ATP8A1: variants seen among roughly 807,000 people sequenced by gnomAD.
ATP8A1 encodes phospholipid-transporting ATPase IA.
In ATP8A1, 90 loss-of-function variants were observed where a neutral mutation model predicts 177.7. The ratio of observed to expected loss-of-function variants is 0.51; its 90% CI spans 0.43 to 0.60. The LOEUF is 0.60. ATP8A1 is among the 20% of genes least tolerant of loss of function. The pLI, the probability that ATP8A1 is intolerant of heterozygous loss-of-function variation, is 0.00. For missense variants in ATP8A1, 1,072 were observed against 1,392.8 expected, an observed-to-expected ratio of 0.77 and a Z score of 3.67; for synonymous variants, 493 against 485.9, an observed-to-expected ratio of 1.01 and a Z score of -0.19.
intron 25 of ATP8A1, among the ~76,000 whole-genome samples, chr4:42,466,600 TACTC>T (rs1367118593): frequency 6.6e-6 from 1 of 152,380 alleles, no homozygotes; most frequent in Admixed American, 6.5e-5. Flanking sequence ...CCAAAATAGA[TACTC>T]AATACATGGT....
At chr4:42,472,407 T>TA (rs35603880) in intron 25 of ATP8A1, 115,884 of 252,786 alleles carry the variant, frequency 0.46, 21,711 homozygotes, top group East Asian at 0.65. Context: ...AATTCACAGT[T>TA]AAAAAAAAAA....
At chr4:42,583,157 T>C (rs1733269444) in intron 9 of ATP8A1, among the ~76,000 whole-genome samples, 1 of 112,222 alleles carries the variant, frequency 8.9e-6, no homozygotes, top group South Asian at 3.8e-4. Context: ...GCTTGGGCCT[T>C]GGACATTCAG....
intron 27 of ATP8A1, among the ~76,000 whole-genome samples, chr4:42,460,305 T>G (rs1188540172): frequency 2.6e-5 from 4 of 151,700 alleles, no homozygotes; most frequent in Admixed American, 2.0e-4. Context: ...AGTGTCAACG[T>G]ACTGACTTTG....
intron 22 of ATP8A1, among the ~76,000 whole-genome samples, chr4:42,519,227 C>T (rs1289250425): frequency 6.6e-6 from 1 of 152,056 alleles, no homozygotes; most frequent in African/African-American, 2.4e-5. Flanking sequence ...GTAGCTGGGA[C>T]CACAGGTGCA....
rs1712565912 is a variant in ATP8A1 at position 42,411,226 on chromosome 4, G to C, written c.*1690C>G. 6.6e-6 allele frequency: 1 copy of C among 152,050 alleles called. No individual in the cohort carries two copies. The highest frequency in any genetic ancestry group is 1.9e-4 in the East Asian group (1 of 5,202). 9.4% of individuals were successfully genotyped at this position (152,050 alleles called of 1,614,324 possible). ...ACCTCTTATTTGTAGAAAATGGAGA[G>C]GCATACTGGTAACTAAGGAGCTACA... is the stretch of plus-strand genomic sequence containing the variant. On this transcript the variant is annotated 3_prime_UTR_variant, in exon 37 of 37. Coordinates refer to ENST00000381668, the MANE Select transcript of ATP8A1 (RefSeq NM_006095.2).
intron 5 of ATP8A1, among the ~76,000 whole-genome samples, chr4:42,612,497 C>A (rs2109438080): frequency 6.7e-6 from 1 of 149,778 alleles, no homozygotes; most frequent in Middle Eastern, 3.4e-3. Flanking sequence ...TGGAGTGGAC[C>A]ATAAAACTCA....
chr4:42,561,779 G>C (rs977930849), intron 15 of ATP8A1: 3 of 152,224 alleles, frequency 2.0e-5, no homozygotes, highest in African/African-American at 7.2e-5. Context: ...CTTGGAAGGA[G>C]TGGATCTCAA....
chr4:42,429,129 T>C (rs1560313603), intron 33 of ATP8A1, among the ~76,000 whole-genome samples: 1 of 152,172 alleles, frequency 6.6e-6, no homozygotes, highest in Admixed American at 6.5e-5. Flanking sequence ...GTGGTTATGG[T>C]TTGCTTGGTT....
At chr4:42,552,413 A>G (rs1413518051) in intron 17 of ATP8A1, 92 bp downstream of exon 17, 2 of 1,043,808 alleles carry the variant, frequency 1.9e-6, no homozygotes, top group Non-Finnish European at 2.8e-6. Flanking sequence ...TCTAAAAAAC[A>G]CTCAATTTGG....
At chr4:42,445,355 C>T (rs1472871690) in intron 31 of ATP8A1, among the ~76,000 whole-genome samples, 1 of 152,092 alleles carries the variant, frequency 6.6e-6, no homozygotes, top group African/African-American at 2.4e-5. Flanking sequence ...TGTCTCGACT[C>T]CTATACTTGT....
chr4:42,480,156 T>C (rs528029368), intron 25 of ATP8A1, among the ~76,000 whole-genome samples: 169 of 152,112 alleles, frequency 1.1e-3, no homozygotes, highest in Non-Finnish European at 1.9e-3. Flanking sequence ...AGACATTTTA[T>C]TGTCAAATAT....
intron 1 of ATP8A1, among the ~76,000 whole-genome samples, chr4:42,654,896 T>TCC (rs1741468080): frequency 1.3e-5 from 2 of 152,158 alleles, no homozygotes; most frequent in African/African-American, 4.8e-5. Context: ...AGGACTATAT[T>TCC]TTTTAGGAAA....
At chr4:42,592,650 G>C (rs1196069419) in intron 6 of ATP8A1, among the ~76,000 whole-genome samples, 1 of 152,086 alleles carries the variant, frequency 6.6e-6, no homozygotes, top group East Asian at 1.9e-4. Context: ...TCTGAGGAAT[G>C]CATTGTCAGG....
intron 27 of ATP8A1, among the ~76,000 whole-genome samples, chr4:42,461,366 G>A (rs968230635): frequency 6.6e-6 from 1 of 151,808 alleles, no homozygotes; most frequent in Non-Finnish European, 1.5e-5. Context: ...GTTGTGGGAG[G>A]GACTGGTGGG....
At position 42,452,768 on chromosome 4, in the gene ATP8A1, T is replaced by C. The variant is rs1032382178; in HGVS notation, c.2818-709A>G. Among the ~76,000 whole-genome samples, 5 of 152,316 alleles carry C rather than the reference T, an allele frequency of 3.3e-5. No individual in the cohort carries two copies. The South Asian group carries it at 6.2e-4, about 19-fold the overall frequency. On this transcript the variant is annotated intron_variant, in intron 29 of 36. Coordinates refer to ENST00000381668, the MANE Select transcript of ATP8A1 (RefSeq NM_006095.2). ...AACATGGATGTGAAAGATTAAGTTA[T>C]AGAAAAACTGTTTAGAATTCTTATG...
At chr4:42,607,926 T>C (rs1460407444) in intron 5 of ATP8A1, among the ~76,000 whole-genome samples, 1 of 152,182 alleles carries the variant, frequency 6.6e-6, no homozygotes, top group Admixed American at 6.5e-5. Context: ...GCTAGTGGTA[T>C]GGTGCTTTGA....
chr4:42,435,382 C>G (rs540812078), intron 33 of ATP8A1, among the ~76,000 whole-genome samples: 1 of 142,288 alleles, frequency 7.0e-6, no homozygotes, highest in African/African-American at 2.6e-5. Context: ...GCTGAGATCA[C>G]GCCATTGTAC....
intron 30 of ATP8A1, among the ~76,000 whole-genome samples, chr4:42,449,051 G>A (rs542609063): frequency 2.0e-5 from 3 of 151,918 alleles, no homozygotes; most frequent in South Asian, 2.1e-4. Flanking sequence ...GGCCAGGCTG[G>A]TCTCGAACTC....
At chr4:42,461,812 CT>C (rs1192480349) in intron 27 of ATP8A1, among the ~76,000 whole-genome samples, 2 of 152,148 alleles carry the variant, frequency 1.3e-5, no homozygotes, top group Admixed American at 1.3e-4. Flanking sequence ...TCCCTAGAGA[CT>C]TGTTGAATGG....
Sources: allele counts gnomAD v4.1 joint callset (sites outside exome capture counted in the v4.1 genomes callset), GRCh38; gene constraint gnomAD v4.1.1; transcripts MANE v1.5; gene names NCBI Gene and HGNC (gene_info 2026-07-23, HGNC 2026-07-21).